ABCB9: variants seen among roughly 807,000 people sequenced by gnomAD.
The protein encoded by ABCB9 is ATP binding cassette subfamily B member 9.
Under a neutral mutation model 62.0 loss-of-function variants are expected in ABCB9, and 36 were observed. That is an observed-to-expected ratio of 0.58 (90% CI 0.45 to 0.77). The LOEUF is 0.77. Ranked by LOEUF, ABCB9 falls within the 30% of genes least tolerant of loss-of-function variation. The probability of loss-of-function intolerance (pLI) is 0.00; values close to 1 mark genes in which losing one functional copy is unlikely to be tolerated. For synonymous variants in ABCB9, 435 were observed against 461.4 expected, an observed-to-expected ratio of 0.94 and a Z score of 0.73; for missense variants, 943 against 1,054.7, an observed-to-expected ratio of 0.89 and a Z score of 1.47.
At chr12:122,965,629 C>T (rs2037129076) in intron 1 of ABCB9, among the ~76,000 whole-genome samples, 1 of 152,226 alleles carries the variant, frequency 6.6e-6, no homozygotes. Context: ...CCTCTTGTCA[C>T]CCGGCCCTGC....
downstream of ABCB9, among the ~76,000 whole-genome samples, chr12:122,925,562 C>T (rs906132823): frequency 1.3e-5 from 2 of 152,180 alleles, no homozygotes; most frequent in East Asian, 1.9e-4. Context: ...TTCTGGCTAA[C>T]GCGGTGAAAC....
At chr12:122,958,563 G>C (rs2036731333) in intron 2 of ABCB9, among the ~76,000 whole-genome samples, 1 of 152,194 alleles carries the variant, frequency 6.6e-6, no homozygotes, top group African/African-American at 2.4e-5. Flanking sequence ...ACACAGCCAG[G>C]CATTGTGGCT....
In ABCB9 at chr12:122,947,785, G is replaced by A. The variant is rs1423104914; in HGVS notation, c.1053+839C>T. On this transcript the variant is annotated intron_variant, in intron 5 of 11. Coordinates refer to ENST00000280560, the MANE Select transcript of ABCB9 (RefSeq NM_019625.4). The surrounding 1 kb of genome is among the most constrained non-coding windows in gnomAD (Gnocchi z 6.0). The stretch of plus-strand genomic sequence containing the variant: ...CCCGCGATGGCATCACAGCGGGCCC[G>A]CACCACCCCCACATACACACCAGGC... 1.6e-5 allele frequency: 3 copies of A among 184,570 alleles called. No individual in the cohort carries two copies. The highest frequency in any genetic ancestry group is 3.4e-5 in the Non-Finnish European group (3 of 87,002). 11.4% of individuals were successfully genotyped at this position (184,570 alleles called of 1,614,324 possible).
intron 1 of ABCB9, among the ~76,000 whole-genome samples, chr12:122,974,078 C>G (rs892672731): frequency 3.3e-5 from 5 of 152,138 alleles, no homozygotes; most frequent in Admixed American, 2.0e-4. Context: ...AGGTACAACA[C>G]ACTCATCTTG....
intron 11 of ABCB9, among the ~76,000 whole-genome samples, chr12:122,923,127 G>A (rs1593950867): frequency 6.6e-6 from 1 of 150,610 alleles, no homozygotes; most frequent in East Asian, 2.0e-4. Context: ...TCTTAAGACA[G>A]GGTCTCACTC....
At chr12:122,941,077 A>G (rs1468596501) in intron 7 of ABCB9, 82 bp from the exon 8 acceptor site, 1 of 1,431,024 alleles carries the variant, frequency 7.0e-7, no homozygotes, top group East Asian at 2.5e-5. Flanking sequence ...GGAGGCAGGT[A>G]TAGGGAAAGC....
chr12:122,958,898 T>C (rs2135905507), intron 2 of ABCB9, among the ~76,000 whole-genome samples: 1 of 151,908 alleles, frequency 6.6e-6, no homozygotes, highest in Middle Eastern at 3.4e-3. Flanking sequence ...TCTTGTCTTT[T>C]ACTTTTTCCT....
At chr12:122,935,198 T>G in intron 10 of ABCB9, 74 bp downstream of exon 10, 1 of 1,456,222 alleles carries the variant, frequency 6.9e-7, no homozygotes, top group Non-Finnish European at 9.1e-7. Flanking sequence ...CAGGGGGCAG[T>G]GCTTAACTCA....
At chr12:122,943,282 A>G (rs1391807951) in intron 7 of ABCB9, among the ~76,000 whole-genome samples, 3 of 152,016 alleles carry the variant, frequency 2.0e-5, no homozygotes, top group Admixed American at 6.6e-5. Context: ...CCTTCCTTCC[A>G]CGTCTCACTT....
At chr12:122,945,898 A>C in intron 6 of ABCB9, 127 bp downstream of exon 6, 1 of 888,110 alleles carries the variant, frequency 1.1e-6, no homozygotes, top group Non-Finnish European at 1.7e-6. Context: ...AAAAAAAAAA[A>C]GAAAGACAGA....
chr12:122,944,926 G>C lies in ABCB9; in HGVS notation c.1252-407C>G, dbSNP rs1252803932. 2.0e-5 allele frequency among the ~76,000 whole-genome samples: 3 copies of C among 152,220 alleles called. No individual in the cohort carries two copies. Among genetic ancestry groups the C allele is most frequent in the Middle Eastern group, 6.3e-3 (2 of 316 alleles). On this transcript the variant is annotated intron_variant, in intron 6 of 11. Coordinates refer to ENST00000280560, the MANE Select transcript of ABCB9 (RefSeq NM_019625.4). The surrounding 1 kb of genome is among the most constrained non-coding windows in gnomAD (Gnocchi z 4.9). ...GTCTCCTCCCCCAGTGGGGTTCCGT[G>C]AAGAAGGGGCTGTGATGGGAGCGCC...
At chr12:122,956,774 C>A (rs1014386746) in intron 2 of ABCB9, among the ~76,000 whole-genome samples, 10 of 152,206 alleles carry the variant, frequency 6.6e-5, no homozygotes, top group Admixed American at 5.9e-4. Flanking sequence ...CTTGCCTCGG[C>A]CTCCCAAAGT....
At chr12:122,922,318 G>A (rs1204108142) in intron 11 of ABCB9, among the ~76,000 whole-genome samples, 2 of 152,114 alleles carry the variant, frequency 1.3e-5, no homozygotes, top group African/African-American at 4.8e-5. Flanking sequence ...ACTAGCCATT[G>A]CTAACGATTT....
intron 2 of ABCB9, among the ~76,000 whole-genome samples, chr12:122,956,585 A>G (rs2036618187): frequency 6.6e-6 from 1 of 152,190 alleles, no homozygotes; most frequent in Non-Finnish European, 1.5e-5. Context: ...CAGTTGTGTG[A>G]GCTTGGCTCA....
chr12:122,961,158 G>A (rs898825015), intron 1 of ABCB9, among the ~76,000 whole-genome samples: 2 of 151,914 alleles, frequency 1.3e-5, no homozygotes, highest in African/African-American at 4.8e-5. Context: ...AATAGGATAG[G>A]GGTGGGGGAA....
In ABCB9 at chr12:122,930,091, C is replaced by T. The variant is rs370679674; in HGVS notation, c.2121G>A (p.Ala707=). The change falls in exon 12 of 12, where the codon GCG becomes GCA. Residue 707 remains alanine, a synonymous_variant. Transcript: ENST00000280560. The surrounding 1 kb of genome is among the most constrained non-coding windows in gnomAD (Gnocchi z 4.9). ...IAHRLSTVEH[A]HLIVVLDKGR... ...CCTTGTCCAGCACCACAATGAGGTGCGCGTGCTCCACGGTGCTCAGCCGGT... is the reference window on the plus strand; with the variant it reads ...CCTTGTCCAGCACCACAATGAGGTGTGCGTGCTCCACGGTGCTCAGCCGGT... 115 of 1,560,174 alleles carry T rather than the reference C, an allele frequency of 7.4e-5. No homozygotes were observed. The highest frequency in any genetic ancestry group is 1.9e-4 in the South Asian group (16 of 84,656).
At chr12:122,923,581 G>T (rs777365653) in intron 11 of ABCB9, among the ~76,000 whole-genome samples, 26 of 152,128 alleles carry the variant, frequency 1.7e-4, no homozygotes, top group Non-Finnish European at 3.7e-4. Context: ...GAGCCAGGGC[G>T]CCCAGCCACA....
intron 10 of ABCB9, among the ~76,000 whole-genome samples, chr12:122,934,378 G>A (rs914225602): frequency 2.0e-5 from 3 of 151,858 alleles, no homozygotes; most frequent in African/African-American, 7.3e-5. Context: ...TATTGAAAAG[G>A]GGCTATTCGT....
At chr12:122,953,723 T>G (rs2036478532) in intron 2 of ABCB9, among the ~76,000 whole-genome samples, 1 of 152,154 alleles carries the variant, frequency 6.6e-6, no homozygotes, top group Non-Finnish European at 1.5e-5. Context: ...GGTTTCACCA[T>G]GTTGCCCAGG....
Sources: allele counts gnomAD v4.1 joint callset (sites outside exome capture counted in the v4.1 genomes callset), GRCh38; gene constraint gnomAD v4.1.1; non-coding constraint Gnocchi (gnomAD v3.1); transcripts MANE v1.5; gene names NCBI Gene and HGNC (gene_info 2026-07-23, HGNC 2026-07-21).